MOB1B: variants seen among roughly 807,000 people sequenced by gnomAD.
MOB1B encodes MOB1 Mps One Binder homolog B.
Under a neutral mutation model 24.4 loss-of-function variants are expected in MOB1B, and 19 were observed. The ratio of observed to expected loss-of-function variants is 0.78; its 90% CI spans 0.54 to 1.14. The LOEUF is 1.14. MOB1B is among the 50% of genes most tolerant of loss of function. MOB1B has a pLI of 0.00. For synonymous variants in MOB1B, 76 were observed against 82.1 expected, an observed-to-expected ratio of 0.93 and a Z score of 0.40; for missense variants, 243 against 259.6, an observed-to-expected ratio of 0.94 and a Z score of 0.44.
chr4:70,902,682 C>A, intron 1 of MOB1B, 132 bp downstream of exon 1: 1 of 854,514 alleles, frequency 1.2e-6, no homozygotes, highest in Non-Finnish European at 1.6e-6. Flanking sequence ...GCGTCACCAC[C>A]AAGCGGGGCC....
Position 70,913,918 on chromosome 4 carries a change from CTT to C in MOB1B, c.14+11378_14+11379del, listed in dbSNP as rs59264552. Among the ~76,000 whole-genome samples the C allele has an allele frequency of 6.7e-3, 987 of 147,548 alleles. 9 individuals are homozygous for C. The highest frequency in any genetic ancestry group is 0.024 in the African/African-American group (953 of 40,258). On this transcript the variant is annotated intron_variant, in intron 1 of 5. Transcript: ENST00000309395. The stretch of plus-strand genomic sequence containing the variant: ...ATTTTACTGTAAGGAGGAATTTACT[CTT>C]TTTTTTTTTAATACCAATGTGTGCT...
At chr4:70,927,631 T>G (rs750305422) in intron 1 of MOB1B, among the ~76,000 whole-genome samples, 3 of 152,208 alleles carry the variant, frequency 2.0e-5, no homozygotes, top group Non-Finnish European at 2.9e-5. Context: ...CGAATTGAGC[T>G]TCCGGTTTTT....
rs185825366 is a variant in MOB1B at position 70,911,932 on chromosome 4, T to G, written c.14+9382T>G. On this transcript the variant is annotated intron_variant, in intron 1 of 5. Transcript: ENST00000309395. The stretch of plus-strand genomic sequence containing the variant: ...TTTTTTTTGAGACAGGGTCTCATTC[T>G]GTCTCCCAGGCTGGAGTGCAAAGGC... 2.4e-3 allele frequency among the ~76,000 whole-genome samples: 370 copies of G among 151,860 alleles called. 2 individuals carry two copies. Among genetic ancestry groups the G allele is most frequent in the Non-Finnish European group, 3.5e-3 (239 of 67,936 alleles).
intron 1 of MOB1B, among the ~76,000 whole-genome samples, chr4:70,939,437 T>A (rs1450062170): frequency 6.6e-6 from 1 of 152,190 alleles, no homozygotes; most frequent in Admixed American, 6.5e-5. Context: ...CTCACACCCG[T>A]AATCACAGGC....
At chr4:70,976,225 A>G (rs1342138169) in intron 4 of MOB1B, 1 of 984,852 alleles carries the variant, frequency 1.0e-6, no homozygotes, top group South Asian at 4.7e-5. Context: ...GATAGTAACA[A>G]AATCTGGCCC....
At position 70,970,976 on chromosome 4, in the gene MOB1B, G is replaced by A. The variant is rs72646427; in HGVS notation, c.275+952G>A. Among the ~76,000 whole-genome samples, 1,064 of 152,320 alleles carry A rather than the reference G, an allele frequency of 7.0e-3. 12 individuals carry two copies. Among genetic ancestry groups the A allele is most frequent in the South Asian group, 0.015 (71 of 4,822 alleles). On this transcript the variant is annotated intron_variant, in intron 3 of 5. Transcript: ENST00000309395. ...GCTGCAGAGCTATTCAAAATCTAGC[G>A]TCTGTCAATTCCCTTCCTCCATTTA...
chr4:70,970,075 C>T, intron 3 of MOB1B, 51 bp downstream of exon 3: 1 of 1,144,766 alleles, frequency 8.7e-7, no homozygotes. Flanking sequence ...TTTTACGGTT[C>T]TTAAAGAAAA....
chr4:70,923,590 GTTATAGTA>G (rs1474504051), intron 1 of MOB1B, among the ~76,000 whole-genome samples: 1 of 152,074 alleles, frequency 6.6e-6, no homozygotes, highest in African/African-American at 2.4e-5. Context: ...TAGTTTAGTA[GTTATAGTA>G]TTATAGTATT....
chr4:70,923,813 G>C (rs948048363), intron 1 of MOB1B, among the ~76,000 whole-genome samples: 2 of 151,736 alleles, frequency 1.3e-5, no homozygotes, highest in Admixed American at 1.3e-4. Context: ...AGCTGGGCCT[G>C]GTCGTGGGCG....
In MOB1B at chr4:70,985,573, G is replaced by T. The variant is rs1390530333; in HGVS notation, c.*3516G>T. The T allele has an allele frequency of 1.3e-5, 2 of 151,768 alleles. No individual in the cohort carries two copies. The highest frequency in any genetic ancestry group is 2.9e-5 in the Non-Finnish European group (2 of 67,988). The allele number at this position is 151,768 out of a possible 1,614,324, so 9.4% of individuals were successfully genotyped here. ...GAGTCTTGCTCTGTTGCCCGGGCTG[G>T]AGTACAATGGCATGATCTCAGCTCA... On this transcript the variant is annotated 3_prime_UTR_variant, in exon 6 of 6. Transcript: ENST00000309395.
upstream of MOB1B, among the ~76,000 whole-genome samples, chr4:70,901,879 C>G (rs191194378): frequency 6.6e-6 from 1 of 152,058 alleles, no homozygotes; most frequent in African/African-American, 2.4e-5. Flanking sequence ...AAGCTTTGGC[C>G]CCCTAAGTGG....
intron 2 of MOB1B, among the ~76,000 whole-genome samples, chr4:70,967,631 A>G (rs1738587300): frequency 6.6e-6 from 1 of 152,202 alleles, no homozygotes; most frequent in African/African-American, 2.4e-5. Context: ...GATGAGTTTA[A>G]TGAGGTTGTC....
chr4:70,931,185 T>A (rs1377369061), intron 1 of MOB1B, among the ~76,000 whole-genome samples: 1 of 152,146 alleles, frequency 6.6e-6, no homozygotes, highest in Non-Finnish European at 1.5e-5. Flanking sequence ...TCTGTTAGCT[T>A]CCCAGACAGA....
intron 1 of MOB1B, among the ~76,000 whole-genome samples, chr4:70,910,697 A>G (rs1344419582): frequency 6.6e-6 from 1 of 152,074 alleles, no homozygotes; most frequent in Non-Finnish European, 1.5e-5. Flanking sequence ...AAATCACAAA[A>G]TCATGTTAGG....
intron 1 of MOB1B, among the ~76,000 whole-genome samples, chr4:70,945,006 C>A (rs1401347674): frequency 6.6e-6 from 1 of 152,138 alleles, no homozygotes. Flanking sequence ...TACTTCTGTG[C>A]CAATACCATA....
intron 1 of MOB1B, among the ~76,000 whole-genome samples, chr4:70,939,823 C>T (rs1737257626): frequency 1.3e-5 from 2 of 152,200 alleles, no homozygotes; most frequent in South Asian, 4.1e-4. Context: ...TCCCGGAGTT[C>T]TTGCCTTGGT....
At chr4:70,939,634 C>T (rs142761303) in intron 1 of MOB1B, among the ~76,000 whole-genome samples, 51 of 152,310 alleles carry the variant, frequency 3.3e-4, no homozygotes, top group African/African-American at 1.2e-3. Flanking sequence ...TTCCCTTGTC[C>T]CCCTTAAAGG....
At chr4:70,902,356 C>A, upstream of MOB1B, 3 of 694,800 alleles carry the variant, frequency 4.3e-6, 1 homozygote, top group South Asian at 3.1e-5. Context: ...CACTTCCGCC[C>A]CCTCCCCCTG....
chr4:70,911,968 C>T (rs114696436), intron 1 of MOB1B, among the ~76,000 whole-genome samples: 1,619 of 150,220 alleles, frequency 0.011, 28 homozygotes, highest in African/African-American at 0.038. Context: ...ACTATCTTGA[C>T]TCACTGCAAC....
Sources: gnomAD v4.1 joint callset for allele counts (sites outside exome capture counted in the v4.1 genomes callset) on GRCh38, gnomAD v4.1.1 for gene constraint, MANE v1.5 for transcripts, NCBI Gene and HGNC (gene_info 2026-07-23, HGNC 2026-07-21) for gene names.